Variants in ZNF292 observed in about 807,000 individuals in gnomAD.
ZNF292 encodes 16 zinc-finger domain protein.
ZNF292 carries 26 observed loss-of-function variants against 217.9 expected under a neutral mutation model. That is an observed-to-expected ratio of 0.12 (90% CI 0.09 to 0.17). ZNF292 has a LOEUF of 0.17. ZNF292 is among the 10% of genes least tolerant of loss of function. ZNF292 has a pLI of 1.00. For synonymous variants in ZNF292, 1,257 were observed against 1,124.1 expected (o/e 1.12, Z -2.37); for missense variants, 2,904 against 3,175.2 (o/e 0.91, Z 2.05).
chr6:87,194,231 T>G (rs1447633343), intron 1 of ZNF292, among the ~76,000 whole-genome samples: 1 of 152,052 alleles, frequency 6.6e-6, no homozygotes, highest in Admixed American at 6.6e-5. Flanking sequence ...AAGGGGAGAT[T>G]AAATGATAAA....
chr6:87,173,081 C>T (rs1488147395), intron 1 of ZNF292, among the ~76,000 whole-genome samples: 1 of 151,752 alleles, frequency 6.6e-6, no homozygotes, highest in Non-Finnish European at 1.5e-5. Context: ...TAGTATAAAA[C>T]CTGGAAAGAT....
At chr6:87,171,416 T>A (rs1439966183) in intron 1 of ZNF292, among the ~76,000 whole-genome samples, 4 of 151,986 alleles carry the variant, frequency 2.6e-5, no homozygotes, top group Non-Finnish European at 4.4e-5. Flanking sequence ...TTTGTTTTTT[T>A]AATCTCTGTT....
At chr6:87,240,425 TTTTTA>T (rs1562166916) in intron 5 of ZNF292, among the ~76,000 whole-genome samples, 1 of 152,128 alleles carries the variant, frequency 6.6e-6, no homozygotes, top group African/African-American at 2.4e-5. Context: ...GTTTTTTAAT[TTTTTA>T]TTTTTTCTTC....
chr6:87,177,300 C>A (rs949980898), intron 1 of ZNF292, among the ~76,000 whole-genome samples: 5 of 149,990 alleles, frequency 3.3e-5, no homozygotes, highest in African/African-American at 1.2e-4. Context: ...GTACTCCAGC[C>A]TGGGTGACAA....
intron 1 of ZNF292, among the ~76,000 whole-genome samples, chr6:87,183,701 C>T (rs750332951): frequency 6.6e-6 from 1 of 152,126 alleles, no homozygotes; most frequent in Non-Finnish European, 1.5e-5. Context: ...TTTTTGCAAG[C>T]ATAAATAGAT....
At chr6:87,253,854 C>T (rs1338835139) in intron 7 of ZNF292, among the ~76,000 whole-genome samples, 6 of 152,124 alleles carry the variant, frequency 3.9e-5, no homozygotes, top group Non-Finnish European at 8.8e-5. Flanking sequence ...TCTCATTTAT[C>T]ATTGTTCCCT....
intron 1 of ZNF292, among the ~76,000 whole-genome samples, chr6:87,214,394 C>G (rs190379759): frequency 5.9e-5 from 9 of 152,032 alleles, no homozygotes; most frequent in African/African-American, 2.2e-4. Context: ...TTGTTTTTAT[C>G]CTCACGTAGA....
chr6:87,197,202 A>G (rs1050373906), intron 1 of ZNF292, among the ~76,000 whole-genome samples: 4 of 152,120 alleles, frequency 2.6e-5, no homozygotes, highest in Non-Finnish European at 5.9e-5. Context: ...TGAGAAAACA[A>G]CCTTTTGGGA....
chr6:87,176,770 C>T (rs929042541), intron 1 of ZNF292, among the ~76,000 whole-genome samples: 4 of 152,178 alleles, frequency 2.6e-5, no homozygotes, highest in Non-Finnish European at 4.4e-5. Context: ...CAGTCATCCA[C>T]TCTGACATTA....
intron 1 of ZNF292, among the ~76,000 whole-genome samples, chr6:87,178,548 T>G (rs915240221): frequency 2.6e-5 from 4 of 152,228 alleles, no homozygotes; most frequent in Admixed American, 2.6e-4. Context: ...ATTAAAGTTA[T>G]ATGCCAGGAA....
chr6:87,183,544 G>GA (rs1430872243), intron 1 of ZNF292, among the ~76,000 whole-genome samples: 1 of 152,060 alleles, frequency 6.6e-6, no homozygotes, highest in Non-Finnish European at 1.5e-5. Context: ...CCAAAGGATT[G>GA]AAATTCCATT....
At position 87,260,573 on chromosome 6, in the gene ZNF292, A is replaced by G. The variant is rs1775515361; in HGVS notation, c.6944A>G (p.His2315Arg). The part of the protein sequence containing the change: ...KANQEKSKSK[H>R]RGTKHSRCGK... ...AACCAAGAAAAATCAAAGTCTAAAC[A>G]TCGGGGGACCAAGCACAGCAGATGT... The change falls in exon 8 of 8, where the codon CAT becomes CGT. Residue 2315 changes from histidine to arginine, a missense_variant. Physicochemically the swap from His to Arg is conservative, Grantham distance 29. Transcript: ENST00000369577. 2 of 1,613,272 alleles carry G rather than the reference A, an allele frequency of 1.2e-6. No individual in the cohort carries two copies. Among genetic ancestry groups the G allele is most frequent in the Middle Eastern group, 1.7e-4 (1 of 6,060 alleles).
chr6:87,171,819 C>A (rs1771109475), intron 1 of ZNF292, among the ~76,000 whole-genome samples: 1 of 152,186 alleles, frequency 6.6e-6, no homozygotes, highest in African/African-American at 2.4e-5. Context: ...TTGTCTGGCA[C>A]ATCTACTTGT....
chr6:87,160,489 ATAT>A (rs1770697648), intron 1 of ZNF292, among the ~76,000 whole-genome samples: 1 of 98,694 alleles, frequency 1.0e-5, no homozygotes, highest in Non-Finnish European at 2.4e-5. Context: ...GTTTGTATAT[ATAT>A]GTGTGTGTGT....
chr6:87,217,306 A>G (rs1772837905), intron 3 of ZNF292, among the ~76,000 whole-genome samples: 1 of 152,082 alleles, frequency 6.6e-6, no homozygotes, highest in South Asian at 2.1e-4. Flanking sequence ...TGAAGGTGGA[A>G]TTCATATCTT....
Position 87,203,856 on chromosome 6 carries a change from G to A in ZNF292, c.169-12047G>A, listed in dbSNP as rs1308956816. On this transcript the variant is annotated intron_variant, in intron 1 of 7. Coordinates refer to ENST00000369577, the MANE Select transcript of ZNF292 (RefSeq NM_015021.3). Reference sequence around the variant, plus strand: ...GCATAGGGGCAGCCTGGCATAGTATGTGAGAGCCTAAGCAGAACAGGAAGG... The same window carrying A: ...GCATAGGGGCAGCCTGGCATAGTATATGAGAGCCTAAGCAGAACAGGAAGG... Among the ~76,000 whole-genome samples the A allele has an allele frequency of 4.6e-5, 7 of 152,202 alleles. No homozygotes were observed. In the South Asian group the frequency reaches 6.2e-4, roughly 14 times the overall value.
chr6:87,198,056 A>G (rs1362685642), intron 1 of ZNF292, among the ~76,000 whole-genome samples: 1 of 152,136 alleles, frequency 6.6e-6, no homozygotes. Context: ...ATCAGTTTCA[A>G]ATTGATTCTA....
At chr6:87,249,271 T>G in intron 7 of ZNF292, 1 of 273,104 alleles carries the variant, frequency 3.7e-6, no homozygotes, top group Non-Finnish European at 7.7e-6. Flanking sequence ...GGACTACAGG[T>G]GTGTACCATC....
At chr6:87,184,886 A>G (rs1196033775) in intron 1 of ZNF292, among the ~76,000 whole-genome samples, 1 of 152,196 alleles carries the variant, frequency 6.6e-6, no homozygotes, top group Non-Finnish European at 1.5e-5. Context: ...AAGCAGAAGA[A>G]AAGTCTTGTC....
Sources: allele counts gnomAD v4.1 joint callset (sites outside exome capture counted in the v4.1 genomes callset), GRCh38; gene constraint gnomAD v4.1.1; transcripts MANE v1.5; gene names NCBI Gene and HGNC (gene_info 2026-07-23, HGNC 2026-07-21).